ARHGEF18: variants seen among roughly 807,000 people sequenced by gnomAD.
ARHGEF18 encodes the protein rho guanine nucleotide exchange factor 18.
ARHGEF18 carries 93 observed loss-of-function variants against 155.7 expected under a neutral mutation model. That is an observed-to-expected ratio of 0.60 (90% CI 0.50 to 0.71). ARHGEF18 has a LOEUF of 0.71. Among genes scored for constraint, ARHGEF18 ranks in the 30% least tolerant of loss-of-function variants. ARHGEF18 has a pLI of 0.00. For missense variants in ARHGEF18, 1,593 were observed against 1,816.1 expected, an observed-to-expected ratio of 0.88 and a Z score of 2.23; for synonymous variants, 742 against 753.1, an observed-to-expected ratio of 0.99 and a Z score of 0.24.
At chr19:7,423,569 T>C (rs1051643418) in intron 10 of ARHGEF18, among the ~76,000 whole-genome samples, 1 of 151,816 alleles carries the variant, frequency 6.6e-6, no homozygotes, top group African/African-American at 2.4e-5. Context: ...GGCGTGGTAA[T>C]GCATGGCCGT....
At chr19:7,350,332 C>T (rs533223544) in intron 1 of ARHGEF18, among the ~76,000 whole-genome samples, 1 of 152,230 alleles carries the variant, frequency 6.6e-6, no homozygotes, top group Non-Finnish European at 1.5e-5. Context: ...ACGCTGGGGG[C>T]TGATGCTCCA....
chr19:7,434,021 A>T (rs998463950), intron 10 of ARHGEF18, among the ~76,000 whole-genome samples: 2 of 96,620 alleles, frequency 2.1e-5, no homozygotes, highest in Admixed American at 1.1e-4. Context: ...CTGTCTCATT[A>T]AAAAAAAAAA....
At chr19:7,449,653 A>G (rs764213279) in intron 15 of ARHGEF18, among the ~76,000 whole-genome samples, 15 of 151,996 alleles carry the variant, frequency 9.9e-5, no homozygotes, top group Non-Finnish European at 2.1e-4. Flanking sequence ...GATGATTTCC[A>G]TAATAACCCC....
chr19:7,413,581 G>A (rs576747355), intron 10 of ARHGEF18, among the ~76,000 whole-genome samples: 5 of 149,048 alleles, frequency 3.4e-5, no homozygotes, highest in Admixed American at 1.4e-4. Flanking sequence ...GATTACAGGC[G>A]TGAGCCACTG....
Position 7,462,460 on chromosome 19 carries a change from G to T in ARHGEF18, c.2635+126G>T, listed in dbSNP as rs1002561733. ...CCTGTCCAGGACAGGCTTCTATGTG[G>T]GGGGGGCCCAGGAGCAGCACTGACC... is the stretch of plus-strand genomic sequence containing the variant. On this transcript the variant is annotated intron_variant, in intron 21 of 28. Coordinates refer to ENST00000668164, the MANE Select transcript of ARHGEF18 (RefSeq NM_001367823.1). The surrounding 1 kb of genome is among the most constrained non-coding windows in gnomAD (Gnocchi z 4.4). The T allele has an allele frequency of 4.0e-6, 4 of 1,011,976 alleles. No homozygotes were observed. The highest frequency in any genetic ancestry group is 3.2e-4 in the Middle Eastern group (1 of 3,084). The allele number at this position is 1,011,976 out of a possible 1,614,324, so 62.7% of individuals were successfully genotyped here.
intron 10 of ARHGEF18, among the ~76,000 whole-genome samples, chr19:7,409,951 AT>A (rs5826969): frequency 0.6 from 74,760 of 123,722 alleles, 22,478 homozygotes; most frequent in Middle Eastern, 0.79. Flanking sequence ...TTTTTTTTGT[AT>A]TTTTTTTTTT....
At chr19:7,380,871 G>C (rs1172464772) in intron 7 of ARHGEF18, 46 bp from the exon 8 acceptor site, 13 of 1,204,996 alleles carry the variant, frequency 1.1e-5, no homozygotes, top group South Asian at 4.2e-5. Flanking sequence ...AGGTGAGTGG[G>C]AGAAGAGGCT....
chr19:7,375,380 A>AAG (rs1170019065), intron 3 of ARHGEF18, among the ~76,000 whole-genome samples: 105 of 129,188 alleles, frequency 8.1e-4, no homozygotes, highest in African/African-American at 2.6e-3. Flanking sequence ...GAAGGAAGAA[A>AAG]GAAAAGGAAG....
In ARHGEF18 at chr19:7,351,842, A is replaced by AT. The variant is rs757960414; in HGVS notation, c.-111+2602dup. Among the ~76,000 whole-genome samples, 94 of 150,914 alleles carry AT rather than the reference A, an allele frequency of 6.2e-4. 1 individual carries two copies. Among genetic ancestry groups the AT allele is most frequent in the Non-Finnish European group, 1.1e-3 (76 of 67,592 alleles). ...CCTGAGTAGCTGGGATTATAAATGCATACCACCACACCTGGCTAATTTTAG... is the reference window on the plus strand; with the variant it reads ...CCTGAGTAGCTGGGATTATAAATGCATTACCACCACACCTGGCTAATTTTAG... On this transcript the variant is annotated intron_variant, in intron 1 of 28. Coordinates refer to ENST00000668164, the MANE Select transcript of ARHGEF18 (RefSeq NM_001367823.1).
chr19:7,415,023 A>C (rs1309388885), intron 10 of ARHGEF18, among the ~76,000 whole-genome samples: 1 of 152,044 alleles, frequency 6.6e-6, no homozygotes, highest in African/African-American at 2.4e-5. Context: ...AATAAATAAA[A>C]TAATACTAGT....
At chr19:7,459,697 C>T (rs991803117) in intron 19 of ARHGEF18, among the ~76,000 whole-genome samples, 13 of 152,254 alleles carry the variant, frequency 8.5e-5, no homozygotes, top group Non-Finnish European at 1.5e-4. Flanking sequence ...TGTAAAGCCT[C>T]TTCCTGGTTA....
chr19:7,383,880 G>C (rs1305920645), intron 10 of ARHGEF18, among the ~76,000 whole-genome samples: 2 of 152,066 alleles, frequency 1.3e-5, no homozygotes, highest in Non-Finnish European at 2.9e-5. Context: ...GTCGTTTTCT[G>C]CTTCCTGGGG....
At chr19:7,424,810 A>G (rs992798891) in intron 10 of ARHGEF18, among the ~76,000 whole-genome samples, 2 of 152,070 alleles carry the variant, frequency 1.3e-5, no homozygotes, top group East Asian at 1.9e-4. Context: ...CCTGGCCAAC[A>G]TGGTGAAACC....
At chr19:7,466,863 C>T in intron 23 of ARHGEF18, 55 bp from the exon 24 acceptor site, 2 of 1,135,646 alleles carry the variant, frequency 1.8e-6, no homozygotes, top group Non-Finnish European at 2.6e-6. Context: ...AGGCTTGAGT[C>T]TAGTCGGATG....
chr19:7,375,813 G>C lies in ARHGEF18; in HGVS notation c.369G>C (p.Lys123Asn), dbSNP rs1029748995. Reference sequence around the variant, plus strand: ...TGAACCTGCCAGGAGGAGGGCTGAAGACCTGGACTCAAGGGTGTCTCTCTG... The same window carrying C: ...TGAACCTGCCAGGAGGAGGGCTGAACACCTGGACTCAAGGGTGTCTCTCTG... ...LALNLPGGGLKTWTQGCLSGG... is the reference protein window; with the variant it reads ...LALNLPGGGLNTWTQGCLSGG... Residue 123 changes from lysine (K) to asparagine (N), a missense_variant, in exon 4 of 29, where the codon AAG (lysine) becomes AAC (asparagine). Physicochemically the swap from Lys to Asn is moderately conservative, Grantham distance 94. Transcript: ENST00000668164. 114 of 1,234,396 alleles carry C rather than the reference G, an allele frequency of 9.2e-5. No homozygotes were observed. The highest frequency in any genetic ancestry group is 1.1e-4 in the Non-Finnish European group (111 of 988,278). 76.5% of individuals were successfully genotyped at this position (1,234,396 alleles called of 1,614,324 possible).
chr19:7,440,498 C>A lies in ARHGEF18; in HGVS notation c.1106+16C>A. 6.3e-7 allele frequency: 1 copy of A among 1,584,658 alleles called. No individual in the cohort carries two copies. The highest frequency in any genetic ancestry group is 8.5e-7 in the Non-Finnish European group (1 of 1,170,844). On this transcript the variant is annotated intron_variant, in intron 11 of 28. Coordinates refer to ENST00000668164, the MANE Select transcript of ARHGEF18 (RefSeq NM_001367823.1). This position sits in a 1 kb window ranked among gnomAD's most constrained non-coding sequence, Gnocchi z 5.4. ...CGCAACTCGGGTAAGCCAGGGTCCC[C>A]TCTGTGCCCTCGGGTGGGTGGTGGC...
intron 18 of ARHGEF18, 49 bp downstream of exon 18, chr19:7,456,452 C>T: frequency 6.4e-7 from 1 of 1,555,890 alleles, no homozygotes; most frequent in Non-Finnish European, 8.9e-7. Context: ...TGCTGTGGCT[C>T]ACGTCTATAA....
chr19:7,382,983 G>T, intron 9 of ARHGEF18, 79 bp from the exon 10 acceptor site: 1 of 1,232,400 alleles, frequency 8.1e-7, no homozygotes, highest in Non-Finnish European at 1.0e-6. Flanking sequence ...ACTGGGGCTG[G>T]TGGTGGGCTG....
In ARHGEF18 at chr19:7,385,872, C is replaced by CTCTCTCTCT. The variant is rs1568285803; in HGVS notation, c.967+2669_967+2670insTCTCTCTCT. Reference sequence around the variant, plus strand: ...CTCTCTCTCTCTCTCTCTCTCTCTCCCCCCTCCCTCTCTCCCTCCCTCCCT... The same window carrying CTCTCTCTCT: ...CTCTCTCTCTCTCTCTCTCTCTCTCCTCTCTCTCTCCCCTCCCTCTCTCCCTCCCTCCCT... On this transcript the variant is annotated intron_variant, in intron 10 of 28. Coordinates refer to ENST00000668164, the MANE Select transcript of ARHGEF18 (RefSeq NM_001367823.1). Among the ~76,000 whole-genome samples the CTCTCTCTCT allele has an allele frequency of 1.6e-4, 8 of 49,714 alleles. 1 individual carries two copies. The East Asian group carries it at 4.9e-3, about 30-fold the overall frequency. The allele number at this position is 49,714 out of a possible 152,430, so 32.6% of individuals were successfully genotyped here.
Sources: allele counts gnomAD v4.1 joint callset (sites outside exome capture counted in the v4.1 genomes callset), GRCh38; gene constraint gnomAD v4.1.1; non-coding constraint Gnocchi (gnomAD v3.1); transcripts MANE v1.5; gene names NCBI Gene and HGNC (gene_info 2026-07-23, HGNC 2026-07-21).